The following CTNNAL1 variants were observed in gnomAD, a reference collection of about 807,000 sequenced individuals.
CTNNAL1 encodes the protein alpha-catulin.
A neutral mutation model predicts 93.6 loss-of-function variants in CTNNAL1; 69 were observed. The observed-to-expected ratio is 0.74, with a 90% CI of 0.61 to 0.90. The LOEUF (loss-of-function observed/expected upper bound fraction) is 0.90, where lower values mean the gene tolerates loss of function less well. Ranked by LOEUF, CTNNAL1 falls within the 40% of genes least tolerant of loss-of-function variation. The probability of loss-of-function intolerance (pLI) is 0.00; values close to 1 mark genes in which losing one functional copy is unlikely to be tolerated. For synonymous variants in CTNNAL1, 286 were observed against 305.4 expected (o/e 0.94, Z 0.66); for missense variants, 836 against 862.0 (o/e 0.97, Z 0.38).
chr9:109,009,480 T>C (rs1207591165), intron 1 of CTNNAL1, among the ~76,000 whole-genome samples: 1 of 152,188 alleles, frequency 6.6e-6, no homozygotes, highest in East Asian at 1.9e-4. Flanking sequence ...TGACCAGCAA[T>C]GCCAATTGTC....
At chr9:109,000,704 A>G (rs1466284313) in intron 1 of CTNNAL1, among the ~76,000 whole-genome samples, 7 of 139,692 alleles carry the variant, frequency 5.0e-5, no homozygotes, top group Admixed American at 2.2e-4. Flanking sequence ...ACAGTGGAGG[A>G]AAAAAAAAAA....
intron 8 of CTNNAL1, among the ~76,000 whole-genome samples, chr9:108,974,564 T>C (rs1265257529): frequency 2.0e-5 from 3 of 152,256 alleles, no homozygotes; most frequent in Non-Finnish European, 4.4e-5. Flanking sequence ...CCAGGCATGA[T>C]GGCTTACACC....
intron 1 of CTNNAL1, among the ~76,000 whole-genome samples, chr9:109,010,240 T>C (rs1291884356): frequency 1.3e-5 from 2 of 152,174 alleles, no homozygotes; most frequent in Non-Finnish European, 2.9e-5. Context: ...TGCAATTGAT[T>C]TTAGTATCCT....
rs552644087 is a variant in CTNNAL1, at chr9:108,961,294, G to A, written c.1591+4084C>T. Reference sequence around the variant, plus strand: ...TTGTCACATCAACCATGCATAACAGGAAGAACAACACTGTGGCACTGGATT... The same window carrying A: ...TTGTCACATCAACCATGCATAACAGAAAGAACAACACTGTGGCACTGGATT... On this transcript the variant is annotated intron_variant, in intron 11 of 18. Transcript: ENST00000325551. Among the ~76,000 whole-genome samples, 12 of 152,292 alleles carry A rather than the reference G, an allele frequency of 7.9e-5. No homozygotes were observed. In the South Asian group the frequency reaches 2.5e-3, roughly 32 times the overall value.
intron 1 of CTNNAL1, among the ~76,000 whole-genome samples, chr9:109,003,187 A>C (rs1826904075): frequency 6.6e-6 from 1 of 152,208 alleles, no homozygotes; most frequent in African/African-American, 2.4e-5. Flanking sequence ...AGATCTCCCA[A>C]GAAGCCTAAA....
chr9:108,943,001 AAGAG>A lies in CTNNAL1; in HGVS notation c.2095_2098del (p.Leu699Ter). 9.3e-6 allele frequency: 15 copies of A among 1,613,096 alleles called. No homozygotes were observed. The highest frequency in any genetic ancestry group is 1.3e-5 in the Non-Finnish European group (15 of 1,179,782). ...ATAACAAAGTGAAAGAAGTTGGACT[AAGAG>A]AGCCATCATGGATCTTGTCTTCGTA... On this transcript the variant is annotated frameshift_variant, in exon 18 of 19. Coordinates refer to ENST00000325551, the MANE Select transcript of CTNNAL1 (RefSeq NM_003798.4). LOFTEE classifies it high-confidence loss of function.
rs369991355 is a variant in CTNNAL1, at chr9:108,984,444, T to C, written c.640-8A>G. 1.9e-6 allele frequency: 3 copies of C among 1,557,228 alleles called. No homozygotes were observed. Among genetic ancestry groups the C allele is most frequent in the South Asian group, 1.1e-5 (1 of 89,840 alleles). On this transcript the variant is annotated splice_region_variant and splice_polypyrimidine_tract_variant and intron_variant, in intron 4 of 18. Coordinates refer to ENST00000325551, the MANE Select transcript of CTNNAL1 (RefSeq NM_003798.4). ...CTTTTCATCTTTCAAATCCTAAATA[T>C]GAAATAAAATCACGGAGGAGTCTAA...
chr9:108,983,069 C>G, intron 6 of CTNNAL1, 76 bp downstream of exon 6: 1 of 1,206,466 alleles, frequency 8.3e-7, no homozygotes, highest in South Asian at 3.2e-5. Context: ...CAGAGCGAGA[C>G]TCCATCTCAA....
At chr9:108,972,864 G>GGGGGGGGGGGGGGGGGGGGGCCCCCCCCC in intron 8 of CTNNAL1, 31 bp from the exon 9 acceptor site, 2 of 142,574 alleles carry the variant, frequency 1.4e-5, no homozygotes, top group East Asian at 2.2e-4. Context: ...GGGGGGGTGG[G>GGGGGGGGGGGGGGGGGGGGGCCCCCCCCC]AGGGTGGAGA....
intron 10 of CTNNAL1, among the ~76,000 whole-genome samples, chr9:108,969,202 G>A (rs1247593897): frequency 4.6e-5 from 7 of 151,794 alleles, no homozygotes; most frequent in African/African-American, 9.7e-5. Flanking sequence ...CCTAGGAGGC[G>A]GAGGTTGCAG....
intron 1 of CTNNAL1, among the ~76,000 whole-genome samples, chr9:109,007,332 A>G (rs1279461459): frequency 6.6e-6 from 1 of 152,234 alleles, no homozygotes; most frequent in South Asian, 2.1e-4. Flanking sequence ...CATCGACAAC[A>G]TAACTGCAAC....
intron 1 of CTNNAL1, among the ~76,000 whole-genome samples, chr9:109,002,067 C>T (rs891487157): frequency 6.6e-6 from 1 of 152,116 alleles, no homozygotes; most frequent in African/African-American, 2.4e-5. Context: ...GCATGATGAC[C>T]TTTGAGGAAG....
At position 108,983,246 on chromosome 9, in the gene CTNNAL1, C is replaced by G; in HGVS notation, c.799G>C (p.Val267Leu). Residue 267 changes from valine (V) to leucine (L), a missense_variant, in exon 6 of 19, where the codon GTG becomes CTG. Transcript: ENST00000325551. The stretch of plus-strand genomic sequence containing the variant: ...ATTTCAATGACCTTATCCAATGCCA[C>G]TTTCATACGGTCAAATACTCCTTCT... ...NKEGVFDRMK[V>L]ALDKVIEIVT... 1 of 1,597,546 alleles carries G rather than the reference C, an allele frequency of 6.3e-7. No individual in the cohort carries two copies. The highest frequency in any genetic ancestry group is 8.5e-7 in the Non-Finnish European group (1 of 1,171,594).
intron 10 of CTNNAL1, 37 bp downstream of exon 10, chr9:108,970,365 G>T: frequency 1.3e-6 from 2 of 1,572,658 alleles, no homozygotes; most frequent in South Asian, 2.4e-5. Context: ...ACTCAGATAG[G>T]ACACAATACA....
At chr9:108,960,975 T>C (rs944701460) in intron 11 of CTNNAL1, among the ~76,000 whole-genome samples, 2 of 152,218 alleles carry the variant, frequency 1.3e-5, no homozygotes, top group African/African-American at 4.8e-5. Context: ...AGGTGGACAA[T>C]GACCTAGGTC....
At position 108,976,258 on chromosome 9, in the gene CTNNAL1, T is replaced by A. The variant is rs567723637; in HGVS notation, c.1188+704A>T. ...TTGTTTTTTTCTAAATGGAATTTTA[T>A]ACATATAATCATTTGTGCCTGGCTT... is the stretch of plus-strand genomic sequence containing the variant. On this transcript the variant is annotated intron_variant, in intron 8 of 18. Coordinates refer to ENST00000325551, the MANE Select transcript of CTNNAL1 (RefSeq NM_003798.4). Among the ~76,000 whole-genome samples the A allele has an allele frequency of 2.0e-5, 3 of 152,372 alleles. No individual in the cohort carries two copies. The South Asian group carries it at 6.2e-4, about 32-fold the overall frequency.
chr9:108,972,865 A>AACG, intron 8 of CTNNAL1, 32 bp from the exon 9 acceptor site: 4 of 219,280 alleles, frequency 1.8e-5, no homozygotes, highest in African/African-American at 7.2e-5. Context: ...GGGGGGTGGG[A>AACG]GGGTGGAGAA....
At chr9:109,010,425 G>T (rs1210340314) in intron 1 of CTNNAL1, among the ~76,000 whole-genome samples, 1 of 152,118 alleles carries the variant, frequency 6.6e-6, no homozygotes, top group Non-Finnish European at 1.5e-5. Context: ...CCAGTGCAGT[G>T]CTGAGTAGAA....
intron 12 of CTNNAL1, among the ~76,000 whole-genome samples, chr9:108,954,168 C>A (rs1004935704): frequency 3.3e-5 from 5 of 152,014 alleles, no homozygotes; most frequent in Non-Finnish European, 5.9e-5. Flanking sequence ...ACCAAGCTTG[C>A]CATCTAGTGG....
Sources: gnomAD v4.1 joint callset for allele counts (sites outside exome capture counted in the v4.1 genomes callset) on GRCh38, gnomAD v4.1.1 for gene constraint, MANE v1.5 for transcripts, NCBI Gene and HGNC (gene_info 2026-07-23, HGNC 2026-07-21) for gene names.